Variants in PDE7B observed in about 807,000 individuals in gnomAD.
The protein encoded by PDE7B is phosphodiesterase 7B, also known as 3',5'-cyclic-AMP phosphodiesterase 7B.
PDE7B carries 29 observed loss-of-function variants against 56.2 expected under a neutral mutation model. The observed-to-expected ratio is 0.52, with a 90% CI of 0.38 to 0.70. PDE7B has a LOEUF of 0.70. PDE7B is among the 30% of genes least tolerant of loss of function. The pLI, the probability that PDE7B is intolerant of heterozygous loss-of-function variation, is 0.00. For missense variants in PDE7B, 490 were observed against 565.0 expected, an observed-to-expected ratio of 0.87 and a Z score of 1.35; for synonymous variants, 197 against 196.9, an observed-to-expected ratio of 1.00 and a Z score of 0.00.
chr6:136,147,285 T>C, intron 3 of PDE7B, 66 bp from the exon 4 acceptor site: 1 of 1,066,660 alleles, frequency 9.4e-7, no homozygotes, highest in Non-Finnish European at 1.4e-6. Flanking sequence ...CATTTATTTT[T>C]ACAGAGTGGA....
At chr6:135,901,066 G>A (rs973265149) in intron 1 of PDE7B, among the ~76,000 whole-genome samples, 5 of 152,132 alleles carry the variant, frequency 3.3e-5, no homozygotes, top group Non-Finnish European at 7.4e-5. Flanking sequence ...CATCACAGAC[G>A]TTTAACGAAG....
chr6:135,961,279 G>A (rs1024751980), intron 2 of PDE7B, among the ~76,000 whole-genome samples: 118 of 129,806 alleles, frequency 9.1e-4, no homozygotes, highest in African/African-American at 3.4e-3. Flanking sequence ...GTGTGTGTGT[G>A]TATGTGTGTG....
chr6:136,102,911 G>A (rs1178086082), intron 2 of PDE7B, among the ~76,000 whole-genome samples: 2 of 152,186 alleles, frequency 1.3e-5, no homozygotes, highest in Non-Finnish European at 2.9e-5. Flanking sequence ...AGGTGATGCA[G>A]TATTGTTTGG....
At chr6:136,065,579 C>T (rs1266368433) in intron 2 of PDE7B, among the ~76,000 whole-genome samples, 1 of 152,162 alleles carries the variant, frequency 6.6e-6, no homozygotes, top group Non-Finnish European at 1.5e-5. Context: ...TTAAAATCGG[C>T]TCACCCCTTC....
At chr6:136,075,214 T>C (rs145093116) in intron 2 of PDE7B, among the ~76,000 whole-genome samples, 208 of 152,280 alleles carry the variant, frequency 1.4e-3, no homozygotes, top group Non-Finnish European at 2.2e-3. Flanking sequence ...TAGACTCAAA[T>C]ATTTCAAAGC....
rs9389344 is a variant in PDE7B at position 135,931,951 on chromosome 6, G to A, written c.22-15513G>A. ...TGTTACCGCGCACACACACACGCGC[G>A]CGCACACACACACACACACACACAC... On this transcript the variant is annotated intron_variant, in intron 1 of 12. Coordinates refer to ENST00000308191, the MANE Select transcript of PDE7B (RefSeq NM_018945.4). Among the ~76,000 whole-genome samples the A allele has an allele frequency of 2.5e-3, 361 of 142,374 alleles. 4 individuals carry two copies. The highest frequency in any genetic ancestry group is 0.024 in the East Asian group (117 of 4,874). 93.4% of individuals were successfully genotyped at this position (142,374 alleles called of 152,430 possible).
chr6:136,135,657 G>C (rs564235780), intron 3 of PDE7B, among the ~76,000 whole-genome samples: 1 of 151,980 alleles, frequency 6.6e-6, no homozygotes, highest in African/African-American at 2.4e-5. Flanking sequence ...ATTTCTGAAA[G>C]ACTGGGGGAG....
chr6:136,112,083 C>G (rs1237478765), intron 3 of PDE7B, among the ~76,000 whole-genome samples: 1 of 152,088 alleles, frequency 6.6e-6, no homozygotes, highest in Non-Finnish European at 1.5e-5. Flanking sequence ...GTGTCCCTCC[C>G]CCACCCACCT....
chr6:136,191,568 G>A, intron 12 of PDE7B, 46 bp from the exon 13 acceptor site: 3 of 1,499,516 alleles, frequency 2.0e-6, no homozygotes, highest in Non-Finnish European at 2.8e-6. Context: ...AGTAAGGAGC[G>A]GGTTTCACCA....
chr6:136,052,854 C>G (rs1164504548), intron 2 of PDE7B, among the ~76,000 whole-genome samples: 1 of 152,152 alleles, frequency 6.6e-6, no homozygotes, highest in Non-Finnish European at 1.5e-5. Flanking sequence ...TACCTGGTTT[C>G]TAACCTGGCA....
At chr6:136,083,624 A>T (rs1294532672) in intron 2 of PDE7B, among the ~76,000 whole-genome samples, 1 of 152,190 alleles carries the variant, frequency 6.6e-6, no homozygotes, top group East Asian at 1.9e-4. Context: ...TTGCAAACCC[A>T]ATGGTTTGGA....
intron 2 of PDE7B, among the ~76,000 whole-genome samples, chr6:136,007,169 T>C (rs536033508): frequency 3.3e-5 from 5 of 152,356 alleles, no homozygotes; most frequent in African/African-American, 1.2e-4. Flanking sequence ...GAGATAGTCA[T>C]GTGGCTTTTG....
chr6:136,080,302 C>T (rs749199567), intron 2 of PDE7B, among the ~76,000 whole-genome samples: 1 of 152,196 alleles, frequency 6.6e-6, no homozygotes, highest in Non-Finnish European at 1.5e-5. Flanking sequence ...AAGTCCCCTA[C>T]CCCCAGCTTT....
chr6:136,095,556 AC>A (rs1777457917), intron 2 of PDE7B, among the ~76,000 whole-genome samples: 1 of 152,200 alleles, frequency 6.6e-6, no homozygotes, highest in South Asian at 2.1e-4. Flanking sequence ...GGAATGGATC[AC>A]TTTTCATGCC....
chr6:135,870,801 T>C (rs1281318917), intron 1 of PDE7B, among the ~76,000 whole-genome samples: 1 of 152,046 alleles, frequency 6.6e-6, no homozygotes. Context: ...TTTAAAGCCT[T>C]GGAACTGGAT....
At chr6:135,923,005 C>T (rs1774116091) in intron 1 of PDE7B, among the ~76,000 whole-genome samples, 1 of 152,110 alleles carries the variant, frequency 6.6e-6, no homozygotes, top group African/African-American at 2.4e-5. Flanking sequence ...GTGGCCGTGG[C>T]ACAGATGCTT....
At chr6:135,916,504 T>C (rs777048709) in intron 1 of PDE7B, among the ~76,000 whole-genome samples, 16 of 149,548 alleles carry the variant, frequency 1.1e-4, no homozygotes, top group Non-Finnish European at 5.9e-5. Flanking sequence ...GTGATTCTCC[T>C]GCCTCAGCCT....
intron 1 of PDE7B, among the ~76,000 whole-genome samples, chr6:135,932,530 G>A (rs1311232420): frequency 6.6e-6 from 1 of 152,108 alleles, no homozygotes; most frequent in Non-Finnish European, 1.5e-5. Context: ...ATGGAGAAGG[G>A]GAGGCAAACA....
intron 11 of PDE7B, 122 bp downstream of exon 11, chr6:136,181,445 T>TA: frequency 4.4e-6 from 3 of 678,032 alleles, no homozygotes; most frequent in Non-Finnish European, 5.2e-6. Flanking sequence ...CTTGTTATCC[T>TA]AACCTTTCTC....
Sources: gnomAD v4.1 joint callset for allele counts (sites outside exome capture counted in the v4.1 genomes callset) on GRCh38, gnomAD v4.1.1 for gene constraint, MANE v1.5 for transcripts, NCBI Gene and HGNC (gene_info 2026-07-23, HGNC 2026-07-21) for gene names.